Variants in ITGBL1 observed in about 807,000 individuals in gnomAD.
ITGBL1 encodes integrin subunit beta like 1.
Under a neutral mutation model 68.5 loss-of-function variants are expected in ITGBL1, and 51 were observed. The ratio of observed to expected loss-of-function variants is 0.74; its 90% CI spans 0.59 to 0.94. The LOEUF is 0.94. ITGBL1 is among the 40% of genes least tolerant of loss of function. The pLI, the probability that ITGBL1 is intolerant of heterozygous loss-of-function variation, is 0.00. For missense variants in ITGBL1, 649 were observed against 647.4 expected (o/e 1.00, Z -0.03); for synonymous variants, 209 against 227.3 (o/e 0.92, Z 0.72).
chr13:101,567,915 G>A, intron 3 of ITGBL1, 70 bp downstream of exon 3: 1 of 1,266,620 alleles, frequency 7.9e-7, no homozygotes, highest in Non-Finnish European at 1.1e-6. Flanking sequence ...AAATATGTGG[G>A]CGTGGAGAAA....
intron 7 of ITGBL1, among the ~76,000 whole-genome samples, chr13:101,681,930 A>T (rs1042956782): frequency 1.3e-5 from 2 of 152,098 alleles, no homozygotes; most frequent in Non-Finnish European, 2.9e-5. Flanking sequence ...AGAGGAATAT[A>T]GCTTGAAAAA....
intron 2 of ITGBL1, among the ~76,000 whole-genome samples, chr13:101,530,018 A>G (rs1188684199): frequency 2.6e-5 from 4 of 152,216 alleles, no homozygotes; most frequent in Non-Finnish European, 4.4e-5. Context: ...ACTGTTATCT[A>G]TAAGGAAGAA....
intron 2 of ITGBL1, among the ~76,000 whole-genome samples, chr13:101,534,485 A>C (rs2049536581): frequency 6.6e-6 from 1 of 152,166 alleles, no homozygotes; most frequent in Non-Finnish European, 1.5e-5. Flanking sequence ...TCCAAGATTC[A>C]CATACACCAG....
chr13:101,716,704 C>G (rs2034736204), downstream of ITGBL1: 1 of 149,658 alleles, frequency 6.7e-6, no homozygotes, highest in Non-Finnish European at 1.5e-5. Flanking sequence ...GGATACCTTA[C>G]TTACTGGAAA....
intron 7 of ITGBL1, among the ~76,000 whole-genome samples, chr13:101,659,532 A>G (rs550881003): frequency 2.0e-5 from 3 of 152,306 alleles, no homozygotes; most frequent in African/African-American, 7.2e-5. Context: ...TCCTGCTGAC[A>G]GAATTTCAAA....
intron 7 of ITGBL1, among the ~76,000 whole-genome samples, chr13:101,634,373 T>C (rs2032095701): frequency 6.6e-6 from 1 of 152,150 alleles, no homozygotes; most frequent in African/African-American, 2.4e-5. Context: ...AGATCATTGG[T>C]ATTTTGGTTG....
At chr13:101,482,735 T>G (rs1203717312) in intron 2 of ITGBL1, among the ~76,000 whole-genome samples, 2 of 152,172 alleles carry the variant, frequency 1.3e-5, no homozygotes, top group African/African-American at 2.4e-5. Flanking sequence ...CACCTGATTG[T>G]GACATTATTT....
chr13:101,681,728 A>G (rs2033647586), intron 7 of ITGBL1, among the ~76,000 whole-genome samples: 1 of 152,136 alleles, frequency 6.6e-6, no homozygotes, highest in Non-Finnish European at 1.5e-5. Context: ...TTATGAAAAA[A>G]GAGGAATCCA....
At position 101,645,070 on chromosome 13, in the gene ITGBL1, C is replaced by CAAATTTT. The variant is rs563175883; in HGVS notation, c.1015+46772_1015+46778dup. ...CCTCCCAATCAAATGGCAGTTTAAA[C>CAAATTTT]AAATTTTGAGGGAGGTCTTATTTTG... On this transcript the variant is annotated intron_variant, in intron 7 of 10. Coordinates refer to ENST00000376180, the MANE Select transcript of ITGBL1 (RefSeq NM_004791.3). Among the ~76,000 whole-genome samples, 8 of 152,158 alleles carry CAAATTTT rather than the reference C, an allele frequency of 5.3e-5. No homozygotes were observed. The South Asian group carries it at 1.7e-3, about 32-fold the overall frequency.
chr13:101,593,263 AG>A (rs979329925), intron 6 of ITGBL1, among the ~76,000 whole-genome samples: 6 of 152,170 alleles, frequency 3.9e-5, no homozygotes, highest in African/African-American at 1.4e-4. Context: ...AAAAGACAAA[AG>A]AAAACAAATG....
chr13:101,628,976 T>C (rs2031887759), intron 7 of ITGBL1, among the ~76,000 whole-genome samples: 3 of 152,124 alleles, frequency 2.0e-5, no homozygotes, highest in Admixed American at 6.6e-5. Flanking sequence ...GTCATATATA[T>C]TGATAATGAG....
At chr13:101,500,179 T>C (rs2048917563) in intron 2 of ITGBL1, among the ~76,000 whole-genome samples, 1 of 152,212 alleles carries the variant, frequency 6.6e-6, no homozygotes, top group African/African-American at 2.4e-5. Context: ...TTTTGATCAT[T>C]GCCTGCTCCA....
Position 101,670,998 on chromosome 13 carries a change from T to C in ITGBL1, c.1016-21587T>C, listed in dbSNP as rs147226589. On this transcript the variant is annotated intron_variant, in intron 7 of 10. Transcript: ENST00000376180. ...AATAACCGAATTTCTTCATCAATTT[T>C]GTCATTATTATAATGAACCCTGCAG... Among the ~76,000 whole-genome samples, 857 of 152,220 alleles carry C rather than the reference T, an allele frequency of 5.6e-3. 3 individuals are homozygous for C. The highest frequency in any genetic ancestry group is 0.019 in the African/African-American group (810 of 41,570).
intron 7 of ITGBL1, among the ~76,000 whole-genome samples, chr13:101,638,688 G>C (rs750155676): frequency 1.2e-4 from 18 of 152,046 alleles, no homozygotes; most frequent in Non-Finnish European, 2.4e-4. Context: ...TACCATGAGA[G>C]CAATATGGGG....
At chr13:101,549,609 A>G (rs1400505354) in intron 2 of ITGBL1, among the ~76,000 whole-genome samples, 2 of 151,778 alleles carry the variant, frequency 1.3e-5, no homozygotes, top group Non-Finnish European at 2.9e-5. Flanking sequence ...AGCCAAATAT[A>G]TGAGGAGAAC....
intron 7 of ITGBL1, among the ~76,000 whole-genome samples, chr13:101,690,973 A>C (rs941548837): frequency 6.6e-6 from 1 of 152,212 alleles, no homozygotes; most frequent in African/African-American, 2.4e-5. Context: ...TCCTGCAGCA[A>C]CCTGGGGAAG....
At chr13:101,649,351 G>C (rs1175209322) in intron 7 of ITGBL1, among the ~76,000 whole-genome samples, 3 of 152,024 alleles carry the variant, frequency 2.0e-5, no homozygotes, top group Non-Finnish European at 4.4e-5. Flanking sequence ...AACTTGCATT[G>C]GTGGCTTGTT....
chr13:101,506,261 C>T (rs1260929250), intron 2 of ITGBL1, among the ~76,000 whole-genome samples: 5 of 152,034 alleles, frequency 3.3e-5, no homozygotes, highest in Admixed American at 3.3e-4. Context: ...GCATATCTCT[C>T]TACATTTTTC....
intron 2 of ITGBL1, among the ~76,000 whole-genome samples, chr13:101,494,915 A>G (rs2048834276): frequency 6.6e-6 from 1 of 152,210 alleles, no homozygotes; most frequent in Non-Finnish European, 1.5e-5. Flanking sequence ...TGTTGGTTCT[A>G]CAACACACCA....
Sources: gnomAD v4.1 joint callset for allele counts (sites outside exome capture counted in the v4.1 genomes callset) on GRCh38, gnomAD v4.1.1 for gene constraint, MANE v1.5 for transcripts, NCBI Gene and HGNC (gene_info 2026-07-23, HGNC 2026-07-21) for gene names.